Variants in SYT10 observed in about 807,000 individuals in gnomAD.
The protein encoded by SYT10 is synaptotagmin-10.
A neutral mutation model predicts 51.1 loss-of-function variants in SYT10; 31 were observed. The ratio of observed to expected loss-of-function variants is 0.61; its 90% CI spans 0.46 to 0.82. The LOEUF is 0.82. SYT10 is among the 40% of genes least tolerant of loss of function. The pLI, the probability that SYT10 is intolerant of heterozygous loss-of-function variation, is 0.00. For missense variants in SYT10, 603 were observed against 634.0 expected (o/e 0.95, Z 0.53); for synonymous variants, 233 against 225.9 (o/e 1.03, Z -0.28).
intron 3 of SYT10, among the ~76,000 whole-genome samples, chr12:33,390,002 A>T (rs1297445021): frequency 6.6e-6 from 1 of 152,234 alleles, no homozygotes; most frequent in African/African-American, 2.4e-5. Flanking sequence ...GTATAACATG[A>T]GGTGCTCAAA....
intron 3 of SYT10, among the ~76,000 whole-genome samples, chr12:33,395,241 T>C (rs1265142191): frequency 6.6e-6 from 1 of 152,140 alleles, no homozygotes; most frequent in Non-Finnish European, 1.5e-5. Flanking sequence ...AATTAGAAAA[T>C]CAGATACTTG....
intron 2 of SYT10, among the ~76,000 whole-genome samples, chr12:33,422,357 T>C (rs2138429099): frequency 6.6e-6 from 1 of 152,292 alleles, no homozygotes; most frequent in South Asian, 2.1e-4. Flanking sequence ...TTGTTTTCTA[T>C]TTCCTGATTT....
chr12:33,438,861 C>A (rs1866658935), intron 1 of SYT10, among the ~76,000 whole-genome samples: 1 of 152,256 alleles, frequency 6.6e-6, no homozygotes, highest in African/African-American at 2.4e-5. Context: ...ACCTCGGAGG[C>A]CAAGGCAGCC....
chr12:33,390,980 C>T (rs1866200812), intron 3 of SYT10, among the ~76,000 whole-genome samples: 1 of 152,078 alleles, frequency 6.6e-6, no homozygotes, highest in Middle Eastern at 3.2e-3. Flanking sequence ...CCTCTGTTGC[C>T]CAGGCTGGAG....
At position 33,434,021 on chromosome 12, in the gene SYT10, A is replaced by C. The variant is rs186572052; in HGVS notation, c.151+5351T>G. On this transcript the variant is annotated intron_variant, in intron 1 of 6. Transcript: ENST00000228567. ...AGTGATGATTCCTACTTTCAACTGG[A>C]ATGATTAACAGCAATTTGAATCATG... is the stretch of plus-strand genomic sequence containing the variant. Among the ~76,000 whole-genome samples the C allele has an allele frequency of 6.6e-5, 10 of 152,252 alleles. No individual in the cohort carries two copies. In the East Asian group the frequency reaches 1.9e-3, roughly 29 times the overall value.
In SYT10 at chr12:33,376,752, C is replaced by G. The variant is rs939185713; in HGVS notation, c.*78G>C. 2.6e-6 allele frequency: 4 copies of G among 1,540,246 alleles called. No individual in the cohort carries two copies. Among genetic ancestry groups the G allele is most frequent in the Non-Finnish European group, 3.6e-6 (4 of 1,118,172 alleles). ...TACGGATATATTTCAAATGAGGAAA[C>G]CAAACCTTCCACTTTTTTTCTGATT... On this transcript the variant is annotated 3_prime_UTR_variant, in exon 7 of 7. Transcript: ENST00000228567.
At chr12:33,386,522 CT>C (rs926993790) in intron 3 of SYT10, among the ~76,000 whole-genome samples, 6 of 151,678 alleles carry the variant, frequency 4.0e-5, no homozygotes, top group African/African-American at 1.5e-4. Flanking sequence ...ACTTCTTTCT[CT>C]TAAATCTTTA....
chr12:33,381,162 T>C (rs1202471660), intron 5 of SYT10, among the ~76,000 whole-genome samples: 1 of 152,176 alleles, frequency 6.6e-6, no homozygotes, highest in Non-Finnish European at 1.5e-5. Flanking sequence ...GCAACTTTTT[T>C]AGTTTGAAAT....
intron 3 of SYT10, among the ~76,000 whole-genome samples, chr12:33,399,271 G>A (rs190487663): frequency 6.1e-4 from 93 of 152,218 alleles, no homozygotes; most frequent in South Asian, 1.2e-3. Flanking sequence ...ATATCGTACT[G>A]TGCTTACCCA....
At chr12:33,413,132 A>C (rs1378093867) in intron 2 of SYT10, among the ~76,000 whole-genome samples, 2 of 152,196 alleles carry the variant, frequency 1.3e-5, no homozygotes, top group African/African-American at 2.4e-5. Flanking sequence ...AAGTTTAGAG[A>C]AAAAAGAGTA....
intron 2 of SYT10, 105 bp from the exon 3 acceptor site, chr12:33,407,461 A>G (rs1176570183): frequency 3.9e-5 from 46 of 1,169,680 alleles, no homozygotes; most frequent in Middle Eastern, 4.0e-4. Context: ...TAGTGAAAAG[A>G]TATCTATATC....
At chr12:33,425,312 C>T (rs1172311374) in intron 2 of SYT10, among the ~76,000 whole-genome samples, 2 of 151,972 alleles carry the variant, frequency 1.3e-5, no homozygotes, top group East Asian at 3.9e-4. Context: ...CTTTTGGCAA[C>T]CCGAGAAAAA....
At chr12:33,434,248 G>T (rs1467845924) in intron 1 of SYT10, among the ~76,000 whole-genome samples, 1 of 152,172 alleles carries the variant, frequency 6.6e-6, no homozygotes, top group Non-Finnish European at 1.5e-5. Flanking sequence ...ATCAAGTTCA[G>T]TTGCTTTTTC....
intron 2 of SYT10, among the ~76,000 whole-genome samples, 188 bp downstream of exon 2, chr12:33,425,950 A>G (rs984428802): frequency 1.3e-5 from 2 of 151,626 alleles, no homozygotes; most frequent in African/African-American, 4.8e-5. Context: ...CTCTGCCCCT[A>G]TGTACTCTGT....
At chr12:33,419,074 C>T (rs1431495460) in intron 2 of SYT10, among the ~76,000 whole-genome samples, 2 of 152,106 alleles carry the variant, frequency 1.3e-5, no homozygotes, top group African/African-American at 4.8e-5. Flanking sequence ...AAAGCCCTCC[C>T]AGACTCCTCA....
At chr12:33,419,177 C>T (rs1042432474) in intron 2 of SYT10, among the ~76,000 whole-genome samples, 2 of 152,150 alleles carry the variant, frequency 1.3e-5, no homozygotes, top group African/African-American at 4.8e-5. Flanking sequence ...ACAACACTGC[C>T]TCCCATTCAG....
At chr12:33,421,259 TAA>T (rs1448899855) in intron 2 of SYT10, among the ~76,000 whole-genome samples, 3 of 152,204 alleles carry the variant, frequency 2.0e-5, no homozygotes, top group African/African-American at 7.2e-5. Context: ...TCAGCACATA[TAA>T]GTCAGTGATT....
rs1196252191 is a variant in SYT10, at chr12:33,407,027, T to C, written c.839A>G (p.Lys280Arg). 3 of 1,614,052 alleles carry C rather than the reference T, an allele frequency of 1.9e-6. No individual in the cohort carries two copies. The highest frequency in any genetic ancestry group is 1.3e-5 in the African/African-American group (1 of 74,928). ...GTGCACGCGGGTCTGAAATTTCTTT[T>C]TCCTATCTGGAAGAAGATACATCTT... ...YVKMYLLPDR[K>R]KKFQTRVHRK... The change falls in exon 3 of 7, where the codon AAA (lysine) becomes AGA (arginine). Residue 280 changes from lysine (K) to arginine (R), a missense_variant. By Grantham distance (26) the Lys-to-Arg change is conservative (BLOSUM62 2). Transcript: ENST00000228567.
At chr12:33,420,689 G>A (rs1866495590) in intron 2 of SYT10, among the ~76,000 whole-genome samples, 1 of 152,002 alleles carries the variant, frequency 6.6e-6, no homozygotes, top group African/African-American at 2.4e-5. Context: ...AACCAAATCA[G>A]TGTTTGCGTA....
Sources: allele counts gnomAD v4.1 joint callset (sites outside exome capture counted in the v4.1 genomes callset), GRCh38; gene constraint gnomAD v4.1.1; transcripts MANE v1.5; gene names NCBI Gene and HGNC (gene_info 2026-07-23, HGNC 2026-07-21).